The following ACAT1 variants were observed in gnomAD, a reference collection of about 807,000 sequenced individuals.
ACAT1 encodes acetyl-CoA acetyltransferase 1.
Under a neutral mutation model 47.3 loss-of-function variants are expected in ACAT1, and 28 were observed. The observed-to-expected ratio is 0.59, with a 90% CI of 0.44 to 0.81. The LOEUF (loss-of-function observed/expected upper bound fraction) is 0.81. ACAT1 is among the 30% of genes least tolerant of loss of function. ACAT1 has a pLI of 0.00. For synonymous variants in ACAT1, 181 were observed against 173.6 expected (o/e 1.04, Z -0.34); for missense variants, 469 against 524.3 (o/e 0.89, Z 1.03).
intron 1 of ACAT1, among the ~76,000 whole-genome samples, chr11:108,124,733 C>T (rs1040217412): frequency 1.3e-5 from 2 of 152,206 alleles, no homozygotes; most frequent in African/African-American, 2.4e-5. Context: ...TCTGTGGCCT[C>T]AGCTGCTGCC....
upstream of ACAT1, among the ~76,000 whole-genome samples, chr11:108,117,261 G>A (rs1486048381): frequency 6.0e-5 from 9 of 151,246 alleles, no homozygotes; most frequent in South Asian, 2.1e-4. Flanking sequence ...AGTTATGATC[G>A]CACCACTGCA....
intron 1 of ACAT1, among the ~76,000 whole-genome samples, chr11:108,127,212 T>C (rs999601596): frequency 6.6e-6 from 1 of 151,690 alleles, no homozygotes; most frequent in Non-Finnish European, 1.5e-5. Context: ...TGGTGGTCAG[T>C]TGAAAGGTCA....
intron 1 of ACAT1, among the ~76,000 whole-genome samples, chr11:108,124,621 C>G (rs917508839): frequency 2.0e-5 from 3 of 152,102 alleles, no homozygotes; most frequent in African/African-American, 2.4e-5. Flanking sequence ...TCAGTTCCCC[C>G]GCAGCCAGAG....
intron 5 of ACAT1, 132 bp from the exon 6 acceptor site, chr11:108,138,766 C>T: frequency 2.0e-6 from 2 of 1,008,408 alleles, no homozygotes; most frequent in South Asian, 2.6e-5. Flanking sequence ...GAGGGTACTT[C>T]CTGTATTCAC....
At chr11:108,118,888 G>C (rs1425532011), upstream of ACAT1, among the ~76,000 whole-genome samples, 1 of 152,120 alleles carries the variant, frequency 6.6e-6, no homozygotes, top group South Asian at 2.1e-4. Context: ...CTTTTTCCTG[G>C]TAGTGCCTCT....
At chr11:108,126,971 ATTTTAT>A in intron 1 of ACAT1, among the ~76,000 whole-genome samples, 1 of 150,126 alleles carries the variant, frequency 6.7e-6, no homozygotes, top group Middle Eastern at 3.4e-3. Context: ...TTTTTATTTT[ATTTTAT>A]TTTTATTTTT....
At chr11:108,127,258 A>G (rs2077268433) in intron 1 of ACAT1, among the ~76,000 whole-genome samples, 1 of 148,656 alleles carries the variant, frequency 6.7e-6, no homozygotes, top group South Asian at 2.1e-4. Flanking sequence ...TCATCAGCAC[A>G]TAGAAGCCTT....
chr11:108,138,117 T>C (rs1433829204), intron 5 of ACAT1, among the ~76,000 whole-genome samples: 1 of 146,900 alleles, frequency 6.8e-6, no homozygotes, highest in Non-Finnish European at 1.5e-5. Context: ...GCCTCCCGAG[T>C]AGCTGGGACT....
chr11:108,116,887 TC>T (rs1294813129), upstream of ACAT1, among the ~76,000 whole-genome samples: 1 of 152,138 alleles, frequency 6.6e-6, no homozygotes, highest in Non-Finnish European at 1.5e-5. Flanking sequence ...GATCTTGGAC[TC>T]CAGCCTCCAG....
At chr11:108,124,150 C>G (rs1287299725) in intron 1 of ACAT1, among the ~76,000 whole-genome samples, 1 of 152,206 alleles carries the variant, frequency 6.6e-6, no homozygotes, top group African/African-American at 2.4e-5. Context: ...GTGTCTGTCT[C>G]TCTTGTGGTT....
intron 5 of ACAT1, chr11:108,136,950 C>G (rs1433383401): frequency 1.4e-5 from 2 of 142,746 alleles, no homozygotes; most frequent in African/African-American, 2.5e-5. Context: ...CCTTATAATG[C>G]AAGTGATTTT....
chr11:108,127,266 C>CTT lies in ACAT1; in HGVS notation c.73-4626_73-4625dup, dbSNP rs566446640. Among the ~76,000 whole-genome samples, 1,257 of 131,638 alleles carry CTT rather than the reference C, an allele frequency of 9.5e-3. 24 individuals carry two copies. Among genetic ancestry groups the CTT allele is most frequent in the African/African-American group, 0.033 (1,178 of 35,414 alleles). The allele number at this position is 131,638 out of a possible 152,430, so 86.4% of individuals were successfully genotyped here. A position where few individuals can be genotyped will look rare whatever the true frequency, so the allele number is the denominator to read the frequency against. ...TGGAAAATCATCAGCACATAGAAGC[C>CTT]TTTTTTTTTTTTTTTTGAGACAGAG... On this transcript the variant is annotated intron_variant, in intron 1 of 11. Coordinates refer to ENST00000265838, the MANE Select transcript of ACAT1 (RefSeq NM_000019.4).
Position 108,140,050 on chromosome 11 carries a change from T to G in ACAT1, c.580-15T>G. The stretch of plus-strand genomic sequence containing the variant: ...TATGCAAAGTTAACTTTAAAATATT[T>G]CAACTTTTTATCAGGGCAGCTGTGC... On this transcript the variant is annotated splice_polypyrimidine_tract_variant and intron_variant, in intron 6 of 11. Transcript: ENST00000265838. 1 of 1,610,242 alleles carries G rather than the reference T, an allele frequency of 6.2e-7. No individual in the cohort carries two copies. The highest frequency in any genetic ancestry group is 1.3e-5 in the African/African-American group (1 of 74,850).
chr11:108,135,355 T>C, intron 5 of ACAT1, 113 bp downstream of exon 5: 1 of 817,440 alleles, frequency 1.2e-6, no homozygotes, highest in South Asian at 1.5e-5. Flanking sequence ...CATAAGTTAG[T>C]ATGTTTTCTC....
At chr11:108,144,177 T>C (rs1452572726) in intron 10 of ACAT1, 130 bp downstream of exon 10, 1 of 1,007,768 alleles carries the variant, frequency 9.9e-7, no homozygotes, top group Non-Finnish European at 1.5e-6. Flanking sequence ...AATCTTCCCA[T>C]GTCTTCTCCT....
intron 5 of ACAT1, chr11:108,136,706 A>C (rs2077475591): frequency 6.6e-6 from 1 of 152,234 alleles, no homozygotes; most frequent in Admixed American, 6.5e-5. Context: ...TATAATGAAG[A>C]ATTGATACCT....
At chr11:108,135,698 G>A (rs1371872387) in intron 5 of ACAT1, among the ~76,000 whole-genome samples, 2 of 152,074 alleles carry the variant, frequency 1.3e-5, no homozygotes, top group African/African-American at 4.8e-5. Flanking sequence ...CGTGGTGGCA[G>A]GTGCCTGTAA....
At chr11:108,136,296 ATG>A in intron 5 of ACAT1, 1 of 410,680 alleles carries the variant, frequency 2.4e-6, no homozygotes, top group Non-Finnish European at 4.3e-6. Flanking sequence ...AAATCTGTAC[ATG>A]TGCAGGTCTC....
intron 1 of ACAT1, among the ~76,000 whole-genome samples, chr11:108,127,481 G>A (rs2077273078): frequency 6.6e-6 from 1 of 151,916 alleles, no homozygotes; most frequent in Non-Finnish European, 1.5e-5. Flanking sequence ...TGTTAGCCAG[G>A]ATGGTCTCTA....
Sources: gnomAD v4.1 joint callset for allele counts (sites outside exome capture counted in the v4.1 genomes callset) on GRCh38, gnomAD v4.1.1 for gene constraint, MANE v1.5 for transcripts, NCBI Gene and HGNC (gene_info 2026-07-23, HGNC 2026-07-21) for gene names.